Variants in SLC29A1 observed in about 807,000 individuals in gnomAD.
SLC29A1 encodes solute carrier family 29 member 1 (Augustine blood group).
A neutral mutation model predicts 48.3 loss-of-function variants in SLC29A1; 22 were observed. That is an observed-to-expected ratio of 0.46 (90% CI 0.33 to 0.65). SLC29A1 has a LOEUF of 0.65. SLC29A1 is among the 30% of genes least tolerant of loss of function. SLC29A1 has a pLI of 0.03. For synonymous variants in SLC29A1, 228 were observed against 231.0 expected, an observed-to-expected ratio of 0.99 and a Z score of 0.12; for missense variants, 491 against 575.3, an observed-to-expected ratio of 0.85 and a Z score of 1.50.
intron 1 of SLC29A1, chr6:44,225,737 G>A (rs1777378561): frequency 6.6e-6 from 1 of 152,280 alleles, no homozygotes. Flanking sequence ...GAGGGGCTGA[G>A]GAGGACCTCT....
At chr6:44,221,150 C>G (rs1298503853), upstream of SLC29A1, among the ~76,000 whole-genome samples, 1 of 152,178 alleles carries the variant, frequency 6.6e-6, no homozygotes, top group Non-Finnish European at 1.5e-5. This position sits in a 1 kb window ranked among gnomAD's most constrained non-coding sequence, Gnocchi z 4.2. Flanking sequence ...TCCAAAAGTG[C>G]TGAGATTTCA....
chr6:44,223,537 C>CG (rs1043998795), upstream of SLC29A1: 11 of 1,157,504 alleles, frequency 9.5e-6, no homozygotes, highest in African/African-American at 1.7e-5. The surrounding 1 kb of genome is among the most constrained non-coding windows in gnomAD (Gnocchi z 5.0). Context: ...GGGCGCAGGG[C>CG]GGGGCGAGCT....
chr6:44,221,044 T>C (rs1057439885), upstream of SLC29A1, among the ~76,000 whole-genome samples: 2 of 152,018 alleles, frequency 1.3e-5, no homozygotes, highest in Admixed American at 6.6e-5. This position sits in a 1 kb window ranked among gnomAD's most constrained non-coding sequence, Gnocchi z 4.2. Context: ...CATGCCTGGC[T>C]AATTTATTTT....
intron 8 of SLC29A1, 137 bp from the exon 9 acceptor site, chr6:44,231,227 G>T (rs1479459867): frequency 1.5e-6 from 1 of 660,616 alleles, no homozygotes; most frequent in East Asian, 2.7e-5. Flanking sequence ...GCGAGGTCTG[G>T]GTTAGGGTTA....
At chr6:44,225,008 CA>C (rs1777174207) in intron 1 of SLC29A1, among the ~76,000 whole-genome samples, 1 of 152,158 alleles carries the variant, frequency 6.6e-6, no homozygotes, top group Non-Finnish European at 1.5e-5. Flanking sequence ...AGCAGGGGGC[CA>C]GGGAAGAAAT....
intron 1 of SLC29A1, chr6:44,224,087 G>C: frequency 2.7e-6 from 1 of 364,738 alleles, no homozygotes; most frequent in Non-Finnish European, 3.8e-6. Flanking sequence ...TTTAACCCCG[G>C]TCTTTTACTG....
Position 44,232,144 on chromosome 6 carries a change from G to T in SLC29A1, c.973+38G>T. On this transcript the variant is annotated intron_variant, in intron 10 of 12. Transcript: ENST00000371755. The surrounding 1 kb of genome is among the most constrained non-coding windows in gnomAD (Gnocchi z 4.7). Reference sequence around the variant, plus strand: ...CAGGTTTCCAGGATGGGAACAGACAGGATCTTGAGTTGGGCTGGAAGTGGG... The same window carrying T: ...CAGGTTTCCAGGATGGGAACAGACATGATCTTGAGTTGGGCTGGAAGTGGG... The T allele has an allele frequency of 6.6e-7, 1 of 1,516,320 alleles. No individual in the cohort carries two copies. The highest frequency in any genetic ancestry group is 1.1e-5 in the South Asian group (1 of 88,896). 93.9% of individuals were successfully genotyped at this position (1,516,320 alleles called of 1,614,324 possible).
upstream of SLC29A1, among the ~76,000 whole-genome samples, chr6:44,220,279 G>T (rs1297159535): frequency 6.6e-6 from 1 of 151,174 alleles, no homozygotes; most frequent in Non-Finnish European, 1.5e-5. Context: ...ATGGACTCAA[G>T]CCATCCTCCC....
intron 2 of SLC29A1, among the ~76,000 whole-genome samples, chr6:44,228,282 G>A (rs970111043): frequency 1.3e-5 from 2 of 152,208 alleles, no homozygotes; most frequent in African/African-American, 2.4e-5. Context: ...TTATTGCACA[G>A]CTCAGTCATT....
chr6:44,226,936 T>C (rs1390839760), intron 1 of SLC29A1: 4 of 1,083,426 alleles, frequency 3.7e-6, no homozygotes, highest in Non-Finnish European at 4.5e-6. Flanking sequence ...CCATCATCTT[T>C]CCTCCTCCTT....
At position 44,229,670 on chromosome 6, in the gene SLC29A1, G is replaced by T; in HGVS notation, c.193G>T (p.Ala65Ser). The change falls in exon 4 of 13, where the codon GCC becomes TCC. Residue 65 changes from alanine (A) to serine (S), a missense_variant. Coordinates refer to ENST00000371755, the MANE Select transcript of SLC29A1 (RefSeq NM_001372327.1). The surrounding 1 kb of genome is among the most constrained non-coding windows in gnomAD (Gnocchi z 5.1). ...ELSKDAQASA[A>S]PAAPLPERNS... ...GAGCAAGGACGCCCAGGCGTCAGCC[G>T]CCCCTGCAGCACCCTTGCCTGAGCG... 6.2e-7 allele frequency: 1 copy of T among 1,614,058 alleles called. No homozygotes were observed. The highest frequency in any genetic ancestry group is 8.5e-7 in the Non-Finnish European group (1 of 1,180,012).
At chr6:44,222,248 G>C (rs184651372), upstream of SLC29A1, among the ~76,000 whole-genome samples, 2 of 151,534 alleles carry the variant, frequency 1.3e-5, no homozygotes, top group Non-Finnish European at 2.9e-5. Flanking sequence ...TAGGGCTGGC[G>C]GGGATGTGGG....
Position 44,229,888 on chromosome 6 carries a change from C to G in SLC29A1, c.315-19C>G. ...AGCTTTGCCCACTTGTCTCTGCCAC[C>G]CTTGGCCTCTCCCGGCAGGATCCCC... On this transcript the variant is annotated intron_variant, in intron 4 of 12. Transcript: ENST00000371755. The surrounding 1 kb of genome is among the most constrained non-coding windows in gnomAD (Gnocchi z 5.1). 1 of 1,612,644 alleles carries G rather than the reference C, an allele frequency of 6.2e-7. No individual in the cohort carries two copies. The highest frequency in any genetic ancestry group is 8.5e-7 in the Non-Finnish European group (1 of 1,179,984).
At chr6:44,224,690 C>G (rs899354093) in intron 1 of SLC29A1, among the ~76,000 whole-genome samples, 4 of 152,124 alleles carry the variant, frequency 2.6e-5, no homozygotes, top group Non-Finnish European at 5.9e-5. Flanking sequence ...CAGGTAGTGG[C>G]TAGCCCCATA....
rs1779382720 is a variant in SLC29A1 at position 44,233,705 on chromosome 6, G to A, written c.*177G>A. The stretch of plus-strand genomic sequence containing the variant: ...TGGGGAGGGAGCCTCTGGACGGACA[G>A]TGGGGACATTGTGGGTTTGGGGCTC... On this transcript the variant is annotated 3_prime_UTR_variant, in exon 13 of 13. Transcript: ENST00000371755. 9.9e-6 allele frequency: 6 copies of A among 607,186 alleles called. No homozygotes were observed. Among genetic ancestry groups the A allele is most frequent in the African/African-American group, 3.7e-5 (2 of 54,158 alleles). The allele number at this position is 607,186 out of a possible 1,614,324, so 37.6% of individuals were successfully genotyped here. A position where few individuals can be genotyped will look rare whatever the true frequency, so the allele number is the denominator to read the frequency against.
chr6:44,231,606 C>T (rs1426940654), intron 9 of SLC29A1, 145 bp downstream of exon 9: 9 of 637,570 alleles, frequency 1.4e-5, no homozygotes, highest in Admixed American at 2.7e-5. Context: ...CGTGCCCATG[C>T]GTGCGTGCCG....
Position 44,223,798 on chromosome 6 carries a change from G to A in SLC29A1, c.-52+157G>A. On this transcript the variant is annotated intron_variant, in intron 1 of 12. Transcript: ENST00000371755. This position sits in a 1 kb window ranked among gnomAD's most constrained non-coding sequence, Gnocchi z 5.0. ...CCCAGTGCGGAGCGTGCGGAGCCGC[G>A]CAGCACGTGGCGCGCACGGGCCAGG... The A allele has an allele frequency of 2.0e-6, 2 of 1,021,978 alleles. No individual in the cohort carries two copies. Among genetic ancestry groups the A allele is most frequent in the Middle Eastern group, 5.0e-4 (1 of 2,006 alleles). 63.3% of individuals were successfully genotyped at this position (1,021,978 alleles called of 1,614,324 possible). A position where few individuals can be genotyped will look rare whatever the true frequency, so the allele number is the denominator to read the frequency against.
chr6:44,229,421 C>G lies in SLC29A1; in HGVS notation c.61C>G (p.Leu21Val). The change falls in exon 3 of 13, where the codon CTG becomes GTG. Residue 21 changes from leucine to valine, a missense_variant. Coordinates refer to ENST00000371755, the MANE Select transcript of SLC29A1 (RefSeq NM_001372327.1). This position sits in a 1 kb window ranked among gnomAD's most constrained non-coding sequence, Gnocchi z 5.1. The part of the protein sequence containing the change: ...YKAVWLIFFM[L>V]GLGTLLPWNF... Reference sequence around the variant, plus strand: ...AGCTGTCTGGCTTATCTTCTTCATGCTGGGTCTGGGAACGCTGCTCCCGTG... The same window carrying G: ...AGCTGTCTGGCTTATCTTCTTCATGGTGGGTCTGGGAACGCTGCTCCCGTG... 1 of 1,614,124 alleles carries G rather than the reference C, an allele frequency of 6.2e-7. No homozygotes were observed. The highest frequency in any genetic ancestry group is 8.5e-7 in the Non-Finnish European group (1 of 1,179,992).
At chr6:44,220,208 C>T (rs1490646886), upstream of SLC29A1, among the ~76,000 whole-genome samples, 2 of 152,020 alleles carry the variant, frequency 1.3e-5, no homozygotes, top group Non-Finnish European at 2.9e-5. Flanking sequence ...AACCGAGTCT[C>T]GCTCTGTTGT....
Sources: allele counts gnomAD v4.1 joint callset (sites outside exome capture counted in the v4.1 genomes callset), GRCh38; gene constraint gnomAD v4.1.1; non-coding constraint Gnocchi (gnomAD v3.1); transcripts MANE v1.5; gene names NCBI Gene and HGNC (gene_info 2026-07-23, HGNC 2026-07-21).